The following DOCK3 variants were observed in gnomAD, a reference collection of about 807,000 sequenced individuals.
The protein encoded by DOCK3 is dedicator of cytokinesis 3, also known as dedicator of cytokinesis protein 3.
Under a neutral mutation model 265.6 loss-of-function variants are expected in DOCK3, and 60 were observed. The ratio of observed to expected loss-of-function variants is 0.23; its 90% confidence interval spans 0.18 to 0.28. DOCK3 has a LOEUF of 0.28. Ranked by LOEUF, DOCK3 falls within the 10% of genes least tolerant of loss-of-function variation. DOCK3 has a pLI of 1.00. For missense variants in DOCK3, 1,981 were observed against 2,594.3 expected (o/e 0.76, Z 5.14); for synonymous variants, 881 against 938.0 (o/e 0.94, Z 1.11).
intron 2 of DOCK3, among the ~76,000 whole-genome samples, chr3:50,788,591 A>G (rs1220310555): frequency 2.0e-5 from 3 of 152,208 alleles, no homozygotes; most frequent in South Asian, 4.1e-4. Flanking sequence ...CCTTCCCTGC[A>G]GTGGGGGGAC....
At chr3:50,906,173 T>C (rs1031137196) in intron 4 of DOCK3, among the ~76,000 whole-genome samples, 3 of 152,132 alleles carry the variant, frequency 2.0e-5, no homozygotes, top group Admixed American at 6.5e-5. Context: ...GCCAGTATTT[T>C]ATTGAGGATT....
chr3:50,677,354 A>G (rs1349096444), intron 1 of DOCK3, among the ~76,000 whole-genome samples: 4 of 152,222 alleles, frequency 2.6e-5, no homozygotes, highest in African/African-American at 9.6e-5. Flanking sequence ...TGTTAGGGCT[A>G]CACTTCTAGA....
chr3:50,862,720 G>T (rs1158117169), intron 3 of DOCK3, among the ~76,000 whole-genome samples: 1 of 152,180 alleles, frequency 6.6e-6, no homozygotes, highest in Non-Finnish European at 1.5e-5. Flanking sequence ...CCTGGGCACA[G>T]CCTTTCCCCC....
rs377070694 is a variant in DOCK3, at chr3:51,381,076, C to T, written c.5610C>T (p.Ser1870=). The part of the protein sequence containing the change: ...RKSPLHPIPA[S]PTSPQSGLDG... ...CTCCTCTCCACCCTATCCCAGCCTC[C>T]CCCACAAGCCCCCAGTCAGGTCTGG... The change falls in exon 53 of 53, where the codon TCC becomes TCT. Residue 1870 remains serine (S), a synonymous_variant. Transcript: ENST00000266037. This position sits in a 1 kb window ranked among gnomAD's most constrained non-coding sequence, Gnocchi z 5.6. 158 of 1,606,636 alleles carry T rather than the reference C, an allele frequency of 9.8e-5. No individual in the cohort carries two copies. The highest frequency in any genetic ancestry group is 1.3e-4 in the Non-Finnish European group (147 of 1,174,888).
In DOCK3 at chr3:51,277,597, G is replaced by C; in HGVS notation, c.2677-11G>C. ...GCTGCTAATGGTGTGCTCTCTTGCT[G>C]CTCGCTCCAGGAGGCAGATGTCATG... On this transcript the variant is annotated splice_polypyrimidine_tract_variant and intron_variant, in intron 25 of 52. Coordinates refer to ENST00000266037, the MANE Select transcript of DOCK3 (RefSeq NM_004947.5). 6.6e-7 allele frequency: 1 copy of C among 1,524,440 alleles called. No individual in the cohort carries two copies. Among genetic ancestry groups the C allele is most frequent in the Non-Finnish European group, 8.8e-7 (1 of 1,136,202 alleles). The allele number at this position is 1,524,440 out of a possible 1,614,324, so 94.4% of individuals were successfully genotyped here.
chr3:51,025,451 G>A (rs188541957), intron 5 of DOCK3, among the ~76,000 whole-genome samples: 70 of 152,068 alleles, frequency 4.6e-4, no homozygotes, highest in African/African-American at 1.7e-3. Flanking sequence ...TTAGATCTAG[G>A]CAGTCTGCAC....
chr3:50,711,979 A>G (rs1453101430), intron 1 of DOCK3, among the ~76,000 whole-genome samples: 2 of 152,102 alleles, frequency 1.3e-5, no homozygotes, highest in African/African-American at 2.4e-5. Context: ...ATGTTCTTTT[A>G]TAATCATTTC....
At position 51,146,607 on chromosome 3, in the gene DOCK3, G is replaced by A. The variant is rs2085315482; in HGVS notation, c.805G>A (p.Glu269Lys). The A allele has an allele frequency of 6.3e-7, 1 of 1,594,214 alleles. No homozygotes were observed. The highest frequency in any genetic ancestry group is 8.5e-7 in the Non-Finnish European group (1 of 1,169,716). Reference sequence around the variant, plus strand: ...TGGGCCGAGGAACCCAGAGAAGATAGAACGAATGTGTGCCCTTTTTACAGT... The same window carrying A: ...TGGGCCGAGGAACCCAGAGAAGATAAAACGAATGTGTGCCCTTTTTACAGT... Reference protein sequence around the residue: ...NGGPRNPEKIERMCALFTDLS... With the variant: ...NGGPRNPEKIKRMCALFTDLS... Residue 269 changes from glutamate (E) to lysine (K), a missense_variant, in exon 10 of 53, where the codon GAA (glutamate) becomes AAA (lysine). Around this residue, in one of 4 missense-constraint regions of DOCK3, gnomAD observed 456 missense variants for 539.0 expected, o/e 0.85. Transcript: ENST00000266037.
At chr3:50,922,190 G>A (rs967290210) in intron 4 of DOCK3, among the ~76,000 whole-genome samples, 4 of 152,228 alleles carry the variant, frequency 2.6e-5, no homozygotes, top group African/African-American at 9.6e-5. Context: ...TCCTTGAGCT[G>A]CCATGGGCTC....
intron 2 of DOCK3, among the ~76,000 whole-genome samples, chr3:50,828,675 G>A (rs2355697): frequency 0.76 from 114,828 of 151,846 alleles, 44,561 homozygotes; most frequent in Middle Eastern, 0.88. Context: ...AAAGTGCTGG[G>A]ATTACAGGTG....
At chr3:50,978,877 C>T (rs1444020129) in intron 5 of DOCK3, among the ~76,000 whole-genome samples, 1 of 152,176 alleles carries the variant, frequency 6.6e-6, no homozygotes, top group South Asian at 2.1e-4. Flanking sequence ...GTCGGAAAAG[C>T]GCAGTATTCG....
chr3:51,298,199 T>G (rs2109300555), intron 27 of DOCK3, among the ~76,000 whole-genome samples: 1 of 152,316 alleles, frequency 6.6e-6, no homozygotes, highest in East Asian at 1.9e-4. Flanking sequence ...CCTAAGAATT[T>G]GTCAGTTTCA....
intron 49 of DOCK3, among the ~76,000 whole-genome samples, chr3:51,365,462 A>G (rs1278503585): frequency 6.6e-6 from 1 of 152,108 alleles, no homozygotes; most frequent in African/African-American, 2.4e-5. Context: ...TCTTTTCCTA[A>G]TTGAATACCC....
At chr3:51,203,688 A>T (rs1396633713) in intron 12 of DOCK3, among the ~76,000 whole-genome samples, 4 of 152,212 alleles carry the variant, frequency 2.6e-5, no homozygotes, top group Admixed American at 1.3e-4. Context: ...TAGAACCAAA[A>T]AAGAGCCTGC....
intron 7 of DOCK3, among the ~76,000 whole-genome samples, chr3:51,082,420 A>G (rs2082274261): frequency 6.6e-6 from 1 of 152,120 alleles, no homozygotes; most frequent in Admixed American, 6.5e-5. Flanking sequence ...TAGCCCACAC[A>G]GTGACTTATA....
chr3:51,111,550 C>A (rs1021021172), intron 9 of DOCK3, among the ~76,000 whole-genome samples: 2 of 152,124 alleles, frequency 1.3e-5, no homozygotes, highest in African/African-American at 4.8e-5. Flanking sequence ...GAAACTGAAC[C>A]CCTTCCTTAT....
chr3:50,796,742 A>C, intron 2 of DOCK3, among the ~76,000 whole-genome samples: 1 of 151,760 alleles, frequency 6.6e-6, no homozygotes, highest in Non-Finnish European at 1.5e-5. Flanking sequence ...TCAGTCTTTG[A>C]AGTTGCTGAC....
chr3:50,866,632 G>A (rs1190977386), intron 3 of DOCK3, among the ~76,000 whole-genome samples: 1 of 152,096 alleles, frequency 6.6e-6, no homozygotes, highest in Non-Finnish European at 1.5e-5. Flanking sequence ...TTGGGGTCTA[G>A]TTTCATTCTG....
At chr3:51,119,756 C>T (rs1195589257) in intron 9 of DOCK3, among the ~76,000 whole-genome samples, 1 of 151,852 alleles carries the variant, frequency 6.6e-6, no homozygotes, top group Non-Finnish European at 1.5e-5. Context: ...ATCAGTTCAG[C>T]TATTGATACT....
Sources: gnomAD v4.1 joint callset for allele counts (sites outside exome capture counted in the v4.1 genomes callset) on GRCh38, gnomAD v4.1.1 for gene constraint, gnomAD v4.1.1 regional missense constraint, Gnocchi (gnomAD v3.1) non-coding constraint, MANE v1.5 for transcripts, NCBI Gene and HGNC (gene_info 2026-07-23, HGNC 2026-07-21) for gene names.